Variants in PA2G4 observed in about 807,000 individuals in gnomAD.
PA2G4 encodes the protein proliferation-associated protein 2G4.
A neutral mutation model predicts 53.3 loss-of-function variants in PA2G4; 8 were observed. The ratio of observed to expected loss-of-function variants is 0.15; its 90% confidence interval spans 0.09 to 0.27. PA2G4 has a LOEUF of 0.27. PA2G4 is among the 10% of genes least tolerant of loss of function. PA2G4 has a pLI of 1.00. For missense variants in PA2G4, 208 were observed against 486.8 expected (o/e 0.43, Z 5.39); for synonymous variants, 143 against 169.8 (o/e 0.84, Z 1.23).
chr12:56,105,049 C>T, intron 1 of PA2G4: 5 of 699,242 alleles, frequency 7.2e-6, no homozygotes, highest in Admixed American at 4.0e-5. Flanking sequence ...CCAGGATGAG[C>T]GCAGAGAGGG....
intron 1 of PA2G4, chr12:56,105,119 TTCCTA>T: frequency 1.5e-6 from 1 of 649,416 alleles, no homozygotes. Flanking sequence ...TTTTCTCTTG[TTCCTA>T]TCCTTCATTC....
At chr12:56,110,770 C>G (rs749959230) in intron 9 of PA2G4, 78 bp downstream of exon 9, 72 of 1,558,782 alleles carry the variant, frequency 4.6e-5, no homozygotes, top group Non-Finnish European at 6.4e-5. Context: ...CTCTCCCTTC[C>G]TGCCTAGACT....
In PA2G4 at chr12:56,113,718, TG is replaced by T; in HGVS notation, c.*831del. 1 of 645,218 alleles carries T rather than the reference TG, an allele frequency of 1.5e-6. No individual in the cohort carries two copies. The highest frequency in any genetic ancestry group is 2.8e-6 in the Non-Finnish European group (1 of 361,190). The allele number at this position is 645,218 out of a possible 1,614,324, so 40.0% of individuals were successfully genotyped here. On this transcript the variant is annotated 3_prime_UTR_variant, in exon 13 of 13. Coordinates refer to ENST00000303305, the MANE Select transcript of PA2G4 (RefSeq NM_006191.3). ...CCAAGAACCAGAGGCGTAGACTGAC[TG>T]AAGACACAACTCCTGGCTTTCTGAA...
chr12:56,109,891 C>G lies in PA2G4; in HGVS notation c.585C>G (p.Ile195Met). The G allele has an allele frequency of 6.2e-7, 1 of 1,613,776 alleles. No homozygotes were observed. The highest frequency in any genetic ancestry group is 2.2e-5 in the East Asian group (1 of 44,878). Residue 195 changes from isoleucine (I) to methionine (M), a missense_variant, in exon 7 of 13, where the codon ATC (isoleucine) becomes ATG (methionine). This residue lies in a region of PA2G4 where 143 missense variants were observed against 386.8 expected (regional missense o/e 0.37). Coordinates refer to ENST00000303305, the MANE Select transcript of PA2G4 (RefSeq NM_006191.3). Reference sequence around the variant, plus strand: ...CACACCAGTTGAAGCAGCATGTCATCGATGGAGAAAAAACCATTATCCAGA... The same window carrying G: ...CACACCAGTTGAAGCAGCATGTCATGGATGGAGAAAAAACCATTATCCAGA... ...MLSHQLKQHV[I>M]DGEKTIIQNP...
At position 56,105,077 on chromosome 12, in the gene PA2G4, A is replaced by G. The variant is rs369133913; in HGVS notation, c.88+252A>G. On this transcript the variant is annotated intron_variant, in intron 1 of 12. Coordinates refer to ENST00000303305, the MANE Select transcript of PA2G4 (RefSeq NM_006191.3). The stretch of plus-strand genomic sequence containing the variant: ...AGAGAGGGGACCCTGGCAGGCTCCG[A>G]CCCGAGGCCGTTTGTTAGGAGGCAA... 1.0e-4 allele frequency: 71 copies of G among 692,912 alleles called. 1 individual carries two copies. The highest frequency in any genetic ancestry group is 7.1e-4 in the East Asian group (26 of 36,632). The allele number at this position is 692,912 out of a possible 1,614,324, so 42.9% of individuals were successfully genotyped here.
rs1869472863 is a variant in PA2G4 at position 56,113,375 on chromosome 12, A to T, written c.*487A>T. Reference sequence around the variant, plus strand: ...TTTATCTGGCTTCAAAATTAAGAGGATTATTTTTCAGATTGTTTTTATTCA... The same window carrying T: ...TTTATCTGGCTTCAAAATTAAGAGGTTTATTTTTCAGATTGTTTTTATTCA... On this transcript the variant is annotated 3_prime_UTR_variant, in exon 13 of 13. Coordinates refer to ENST00000303305, the MANE Select transcript of PA2G4 (RefSeq NM_006191.3). 6.1e-6 allele frequency: 1 copy of T among 163,864 alleles called. No individual in the cohort carries two copies. Among genetic ancestry groups the T allele is most frequent in the African/African-American group, 2.4e-5 (1 of 41,848 alleles). The allele number at this position is 163,864 out of a possible 1,614,324, so 10.2% of individuals were successfully genotyped here. A position where few individuals can be genotyped will look rare whatever the true frequency, so the allele number is the denominator to read the frequency against.
At chr12:56,108,954 C>T (rs914844441) in intron 5 of PA2G4, among the ~76,000 whole-genome samples, 1 of 151,624 alleles carries the variant, frequency 6.6e-6, no homozygotes, top group South Asian at 2.1e-4. Context: ...GGTGAAACCC[C>T]GTCTCTTCTA....
At position 56,112,203 on chromosome 12, in the gene PA2G4, C is replaced by T. The variant is rs1052557419; in HGVS notation, c.1120-620C>T. Among the ~76,000 whole-genome samples, 4 of 152,212 alleles carry T rather than the reference C, an allele frequency of 2.6e-5. No homozygotes were observed. In the East Asian group the frequency reaches 7.7e-4, roughly 29 times the overall value. Reference sequence around the variant, plus strand: ...TGTATCCTCAAACTCCTCCTGGGTTCAAGTGATTGTCCTGCCTTGACCTGC... The same window carrying T: ...TGTATCCTCAAACTCCTCCTGGGTTTAAGTGATTGTCCTGCCTTGACCTGC... On this transcript the variant is annotated intron_variant, in intron 12 of 12. Transcript: ENST00000303305.
rs151228199 is a variant in PA2G4, at chr12:56,113,800, G to C, written c.*912G>C. 59 of 700,010 alleles carry C rather than the reference G, an allele frequency of 8.4e-5. No homozygotes were observed. Among genetic ancestry groups the C allele is most frequent in the Admixed American group, 7.9e-4 (39 of 49,648 alleles). 43.4% of individuals were successfully genotyped at this position (700,010 alleles called of 1,614,324 possible). On this transcript the variant is annotated 3_prime_UTR_variant, in exon 13 of 13. Coordinates refer to ENST00000303305, the MANE Select transcript of PA2G4 (RefSeq NM_006191.3). ...TTGTAGAGAAAGGTGACAAATTTCA[G>C]TACCTCTGGCATGCTGTCCCAGGAA...
rs148811324 is a variant in PA2G4, at chr12:56,106,992, A to G, written c.220A>G (p.Ile74Val). The G allele has an allele frequency of 1.9e-5, 31 of 1,609,932 alleles. No homozygotes were observed. In the African/African-American group the frequency reaches 3.3e-4, roughly 17 times the overall value. ...GGCTGATGATTCTTTCTTTACAGGT[A>G]TTGCTTTTCCCACCAGCATTTCGGT... ...FKKEKEMKKG[I>V]AFPTSISVNN... The change falls in exon 3 of 13, where the codon ATT becomes GTT. Residue 74 changes from isoleucine (I) to valine (V), a missense_variant and splice_region_variant. By Grantham distance (29) the Ile-to-Val change is conservative. This residue lies in a region of PA2G4 where 143 missense variants were observed against 386.8 expected (regional missense o/e 0.37). Transcript: ENST00000303305.
At chr12:56,105,509 T>A (rs915051115) in intron 1 of PA2G4, among the ~76,000 whole-genome samples, 2 of 152,248 alleles carry the variant, frequency 1.3e-5, no homozygotes, top group African/African-American at 2.4e-5. Context: ...AAGTTACTCA[T>A]TACTACCACC....
chr12:56,106,161 A>G (rs1356148189), intron 1 of PA2G4: 4 of 153,960 alleles, frequency 2.6e-5, no homozygotes, highest in African/African-American at 7.2e-5. Context: ...AAATAAGTCT[A>G]TATAGATTGA....
intron 5 of PA2G4, among the ~76,000 whole-genome samples, chr12:56,107,846 T>C (rs1869333355): frequency 6.6e-6 from 1 of 151,998 alleles, no homozygotes; most frequent in African/African-American, 2.4e-5. Context: ...CTGGGAAACA[T>C]GGTGAAACCC....
At chr12:56,108,726 C>G (rs1462041677) in intron 5 of PA2G4, among the ~76,000 whole-genome samples, 1 of 152,076 alleles carries the variant, frequency 6.6e-6, no homozygotes, top group African/African-American at 2.4e-5. Context: ...AACCCCATTG[C>G]AAGTTGGGGA....
At position 56,113,139 on chromosome 12, in the gene PA2G4, A is replaced by C; in HGVS notation, c.*251A>C. The C allele has an allele frequency of 1.8e-5, 6 of 336,394 alleles. No individual in the cohort carries two copies. Among genetic ancestry groups the C allele is most frequent in the East Asian group, 1.1e-4 (2 of 17,698 alleles). 20.8% of individuals were successfully genotyped at this position (336,394 alleles called of 1,614,324 possible). ...TGAAAAAAAGAAATTGAATAATAAAATCAGGAGTCAAAATTCATCGTCTTC... is the reference window on the plus strand; with the variant it reads ...TGAAAAAAAGAAATTGAATAATAAACTCAGGAGTCAAAATTCATCGTCTTC... On this transcript the variant is annotated 3_prime_UTR_variant, in exon 13 of 13. Coordinates refer to ENST00000303305, the MANE Select transcript of PA2G4 (RefSeq NM_006191.3).
intron 5 of PA2G4, among the ~76,000 whole-genome samples, chr12:56,107,850 G>A (rs1041004359): frequency 2.0e-5 from 3 of 152,068 alleles, no homozygotes; most frequent in African/African-American, 7.3e-5. Context: ...GAAACATGGT[G>A]AAACCCCATT....
intron 4 of PA2G4, 62 bp downstream of exon 4, chr12:56,107,318 C>T: frequency 1.5e-6 from 2 of 1,299,872 alleles, no homozygotes; most frequent in South Asian, 2.4e-5. Flanking sequence ...CTGCCATTTG[C>T]TTCTTATCCC....
chr12:56,109,600 A>G (rs1418856013), intron 6 of PA2G4, among the ~76,000 whole-genome samples: 4 of 150,400 alleles, frequency 2.7e-5, no homozygotes, highest in Non-Finnish European at 4.4e-5. Context: ...AGTCTGGGCA[A>G]TAAGAGCGAA....
At position 56,104,840 on chromosome 12, in the gene PA2G4, G is replaced by C; in HGVS notation, c.88+15G>C. The C allele has an allele frequency of 1.2e-6, 2 of 1,605,382 alleles. No individual in the cohort carries two copies. Among genetic ancestry groups the C allele is most frequent in the African/African-American group, 1.3e-5 (1 of 74,890 alleles). ...CATCGCCAACAGTGAGTGCGGCCTC[G>C]GGGGTCGGGGAATCAAGGCTGATAG... On this transcript the variant is annotated intron_variant, in intron 1 of 12. Coordinates refer to ENST00000303305, the MANE Select transcript of PA2G4 (RefSeq NM_006191.3).
Sources: gnomAD v4.1 joint callset for allele counts (sites outside exome capture counted in the v4.1 genomes callset) on GRCh38, gnomAD v4.1.1 for gene constraint, gnomAD v4.1.1 regional missense constraint, MANE v1.5 for transcripts, NCBI Gene and HGNC (gene_info 2026-07-23, HGNC 2026-07-21) for gene names.